GPR39: variants seen among roughly 807,000 people sequenced by gnomAD.
GPR39 encodes G protein-coupled receptor 39, also known as zinc sensing receptor.
A neutral mutation model predicts 18.4 loss-of-function variants in GPR39; 23 were observed. The observed-to-expected ratio is 1.25, with a 90% CI of 0.90 to 1.77. The LOEUF is 1.77. Among genes scored for constraint, GPR39 ranks in the 40% most tolerant of loss-of-function variants. GPR39 has a pLI of 0.00. For missense variants in GPR39, 647 were observed against 602.4 expected (o/e 1.07, Z -0.78); for synonymous variants, 280 against 257.9 (o/e 1.09, Z -0.82).
chr2:132,512,370 C>A (rs1679256189), intron 1 of GPR39, among the ~76,000 whole-genome samples: 1 of 152,116 alleles, frequency 6.6e-6, no homozygotes, highest in South Asian at 2.1e-4. Context: ...GAGATGAGGG[C>A]ACTGAAAAGG....
At position 132,582,199 on chromosome 2, in the gene GPR39, G is replaced by A. The variant is rs553837791; in HGVS notation, c.857-62902G>A. ...GTGAGAAGGAGGAAGTGGGTTTGGC[G>A]CTGTGCGATCACCTCCATATGCTTG... On this transcript the variant is annotated intron_variant, in intron 1 of 1. Transcript: ENST00000329321. Among the ~76,000 whole-genome samples, 6 of 152,292 alleles carry A rather than the reference G, an allele frequency of 3.9e-5. No homozygotes were observed. The East Asian group carries it at 5.8e-4, about 15-fold the overall frequency.
At chr2:132,473,346 T>C (rs1681067416) in intron 1 of GPR39, among the ~76,000 whole-genome samples, 1 of 152,200 alleles carries the variant, frequency 6.6e-6, no homozygotes. Flanking sequence ...TAGTAAATTA[T>C]CTAAGCCACT....
At position 132,625,583 on chromosome 2, in the gene GPR39, G is replaced by A. The variant is rs1681527585; in HGVS notation, c.857-19518G>A. 2.6e-5 allele frequency among the ~76,000 whole-genome samples: 4 copies of A among 152,082 alleles called. No homozygotes were observed. The South Asian group carries it at 8.3e-4, about 32-fold the overall frequency. ...ACCAATGGCTCATATGAGAACAGAA[G>A]GGGGGGAAATGCCATGTTTTCAGTA... On this transcript the variant is annotated intron_variant, in intron 1 of 1. Transcript: ENST00000329321.
In GPR39 at chr2:132,443,944, A is replaced by G. The variant is rs933912268; in HGVS notation, c.856+26046A>G. 3.9e-4 allele frequency among the ~76,000 whole-genome samples: 59 copies of G among 152,042 alleles called. 1 individual carries two copies. Among genetic ancestry groups the G allele is most frequent in the African/African-American group, 1.4e-3 (56 of 41,410 alleles). On this transcript the variant is annotated intron_variant, in intron 1 of 1. Transcript: ENST00000329321. ...AAACCTATCTAGGTTTGGTGGTGGC[A>G]TGCACCTGTAGTCCTAGCTACTTGG...
chr2:132,640,438 C>A (rs190585517), intron 1 of GPR39, among the ~76,000 whole-genome samples: 3 of 152,206 alleles, frequency 2.0e-5, no homozygotes, highest in Admixed American at 2.0e-4. Flanking sequence ...ATGTGGAAAA[C>A]CAGATAAGAA....
At chr2:132,508,673 G>T (rs142545098) in intron 1 of GPR39, among the ~76,000 whole-genome samples, 24 of 152,312 alleles carry the variant, frequency 1.6e-4, no homozygotes, top group Middle Eastern at 3.4e-3. Flanking sequence ...ATCAGCTGCC[G>T]TTTAAAGCAG....
chr2:132,499,499 G>GT lies in GPR39; in HGVS notation c.856+81609dup, dbSNP rs1382510147. On this transcript the variant is annotated intron_variant, in intron 1 of 1. Coordinates refer to ENST00000329321, the MANE Select transcript of GPR39 (RefSeq NM_001508.3). ...GGGGTGTGATACCTCTAGATTTGTG[G>GT]TTTTTTTTGTTGTTGTTGTTTGTTT... Among the ~76,000 whole-genome samples, 41 of 151,468 alleles carry GT rather than the reference G, an allele frequency of 2.7e-4. No individual in the cohort carries two copies. The East Asian group carries it at 3.3e-3, about 12-fold the overall frequency.
chr2:132,527,014 A>G (rs760312323), intron 1 of GPR39, among the ~76,000 whole-genome samples: 5 of 152,162 alleles, frequency 3.3e-5, no homozygotes, highest in African/African-American at 7.2e-5. Flanking sequence ...TACATGTGCC[A>G]TGGTGGTTTG....
intron 1 of GPR39, among the ~76,000 whole-genome samples, chr2:132,596,652 C>G (rs1482705974): frequency 6.6e-6 from 1 of 152,010 alleles, no homozygotes; most frequent in Non-Finnish European, 1.5e-5. Context: ...TATTTTTCAA[C>G]TCTTTGTCTC....
chr2:132,522,429 C>G (rs950112118), intron 1 of GPR39, among the ~76,000 whole-genome samples: 7 of 152,202 alleles, frequency 4.6e-5, no homozygotes, highest in Admixed American at 2.0e-4. Flanking sequence ...TTGGGAAGAA[C>G]TGAACAATAA....
intron 1 of GPR39, among the ~76,000 whole-genome samples, chr2:132,471,812 T>C (rs1681038087): frequency 2.0e-5 from 3 of 152,204 alleles, no homozygotes. Flanking sequence ...GGTCGCTTGG[T>C]GTGAGACAAT....
chr2:132,548,143 A>C (rs1016101796), intron 1 of GPR39, among the ~76,000 whole-genome samples: 22 of 152,180 alleles, frequency 1.4e-4, no homozygotes, highest in African/African-American at 5.3e-4. Flanking sequence ...CTCACTGTTT[A>C]AACCTTTCAA....
chr2:132,598,436 T>C (rs1680984745), intron 1 of GPR39, among the ~76,000 whole-genome samples: 1 of 143,116 alleles, frequency 7.0e-6, no homozygotes, highest in South Asian at 2.3e-4. Flanking sequence ...GTGAACTTTT[T>C]TTTTTTTTTT....
rs531944845 is a variant in GPR39 at position 132,422,378 on chromosome 2, A to G, written c.856+4480A>G. ...CTGTGTGCAGGCCATAACCAAAAAT[A>G]TAATTAATTTAAAAACCAATCCCTA... On this transcript the variant is annotated intron_variant, in intron 1 of 1. Transcript: ENST00000329321. 3.9e-5 allele frequency among the ~76,000 whole-genome samples: 6 copies of G among 152,334 alleles called. No individual in the cohort carries two copies. In the East Asian group the frequency reaches 5.8e-4, roughly 15 times the overall value.
At chr2:132,615,621 G>A (rs1681320452) in intron 1 of GPR39, among the ~76,000 whole-genome samples, 1 of 152,160 alleles carries the variant, frequency 6.6e-6, no homozygotes, top group Admixed American at 6.5e-5. Context: ...TCCAGGGGTG[G>A]TAGGTCACTA....
chr2:132,644,718 A>G (rs1266977756), intron 1 of GPR39: 2 of 204,860 alleles, frequency 9.8e-6, no homozygotes, highest in African/African-American at 4.7e-5. Flanking sequence ...GCTATACTGT[A>G]TGTATACATC....
chr2:132,547,929 T>G (rs539348189), intron 1 of GPR39, among the ~76,000 whole-genome samples: 264 of 152,334 alleles, frequency 1.7e-3, no homozygotes, highest in Middle Eastern at 6.8e-3. Flanking sequence ...GTAAATGACT[T>G]TTATGATAGA....
At chr2:132,475,412 G>C (rs765101893) in intron 1 of GPR39, among the ~76,000 whole-genome samples, 3 of 151,922 alleles carry the variant, frequency 2.0e-5, no homozygotes, top group African/African-American at 4.8e-5. Context: ...ATCTTGGGAA[G>C]AATAAATACC....
chr2:132,606,579 A>ATTG, intron 1 of GPR39, among the ~76,000 whole-genome samples: 1 of 152,348 alleles, frequency 6.6e-6, no homozygotes, highest in African/African-American at 2.4e-5. Context: ...GTGGGTGTGT[A>ATTG]TTACAGTGTG....
Sources: allele counts gnomAD v4.1 joint callset (sites outside exome capture counted in the v4.1 genomes callset), GRCh38; gene constraint gnomAD v4.1.1; transcripts MANE v1.5; gene names NCBI Gene and HGNC (gene_info 2026-07-23, HGNC 2026-07-21).